Variants in ZC3H12B observed in about 807,000 individuals in gnomAD.
The protein encoded by ZC3H12B is probable ribonuclease ZC3H12B.
ZC3H12B carries 7 observed loss-of-function variants against 43.9 expected under a neutral mutation model. The ratio of observed to expected loss-of-function variants is 0.16; its 90% confidence interval spans 0.09 to 0.30. The LOEUF (loss-of-function observed/expected upper bound fraction) is 0.30. Among genes scored for constraint, ZC3H12B ranks in the 10% least tolerant of loss-of-function variants. The pLI, the probability that ZC3H12B is intolerant of heterozygous loss-of-function variation, is 1.00. For synonymous variants in ZC3H12B, 222 were observed against 241.7 expected (o/e 0.92, Z 0.76); for missense variants, 475 against 670.2 (o/e 0.71, Z 3.22).
the ZC3H12B span, among the ~76,000 whole-genome samples, chrX:65,161,768 G>A: frequency 2.7e-5 from 3 of 111,709 alleles, no homozygotes. Context: ...TTACATTTAA[G>A]GTTAATATTG....
In ZC3H12B at chrX:65,375,403, T is replaced by C. The variant is rs1399052286; in HGVS notation, n.295+6405T>C. Among the ~76,000 whole-genome samples the C allele has an allele frequency of 3.6e-5, 4 of 112,227 alleles. No individual in the cohort carries two copies. The East Asian group carries it at 1.1e-3, about 31-fold the overall frequency. On this transcript the variant is annotated intron_variant and non_coding_transcript_variant, in intron 2 of 5. Coordinates refer to the ZC3H12B transcript ENST00000617377. ...AACTCCTAGCTGAGTCCTAGTGCTA[T>C]GCTAAGCAAAGAGCCAGTACACATT...
the ZC3H12B span, among the ~76,000 whole-genome samples, chrX:65,118,485 A>G: frequency 9.0e-6 from 1 of 110,846 alleles, no homozygotes; most frequent in Non-Finnish European, 1.9e-5. Flanking sequence ...GGTTTTCTAA[A>G]TATTTAGAAA....
chrX:65,350,195 G>A, the ZC3H12B span, among the ~76,000 whole-genome samples: 7 of 111,732 alleles, frequency 6.3e-5, no homozygotes, highest in African/African-American at 1.3e-4. Flanking sequence ...ATGCAAGGCT[G>A]GTTCAACATA....
the ZC3H12B span, among the ~76,000 whole-genome samples, chrX:65,129,499 G>A: frequency 9.2e-6 from 1 of 109,285 alleles, no homozygotes; most frequent in East Asian, 2.9e-4. Context: ...GCAGGGGCGG[G>A]GGTCACAAGG....
At chrX:65,265,257 G>A in the ZC3H12B span, among the ~76,000 whole-genome samples, 6 of 111,988 alleles carry the variant, frequency 5.4e-5, no homozygotes, top group Admixed American at 3.8e-4. Flanking sequence ...TTTAAACATA[G>A]GAGCCTAATT....
At chrX:65,383,391 G>A (rs1442658596) in intron 2 of ZC3H12B, among the ~76,000 whole-genome samples, 2 of 111,884 alleles carry the variant, frequency 1.8e-5, no homozygotes, top group South Asian at 3.8e-4. Context: ...GGGAAAACTG[G>A]CTAGCCATAT....
chrX:65,100,654 A>G, the ZC3H12B span, among the ~76,000 whole-genome samples: 1 of 109,019 alleles, frequency 9.2e-6, no homozygotes, highest in African/African-American at 3.4e-5. Flanking sequence ...GAAAAAGACA[A>G]GGACATTACA....
chrX:65,486,242 C>T (rs773406828), upstream of ZC3H12B, among the ~76,000 whole-genome samples: 4 of 112,058 alleles, frequency 3.6e-5, no homozygotes, highest in Admixed American at 9.5e-5. Context: ...GTAAACACTC[C>T]CTTCATTCAC....
the ZC3H12B span, among the ~76,000 whole-genome samples, chrX:65,155,726 G>T: frequency 9.0e-6 from 1 of 110,831 alleles, no homozygotes; most frequent in Non-Finnish European, 1.9e-5. Context: ...CAGGCGTGGT[G>T]GCAGGTGCCT....
chrX:65,463,033 A>G (rs956407039), intron 3 of ZC3H12B, among the ~76,000 whole-genome samples: 1 of 112,301 alleles, frequency 8.9e-6, no homozygotes, highest in Non-Finnish European at 1.9e-5. Flanking sequence ...ACCAAAGAGT[A>G]TGTGTTCTCA....
At chrX:65,460,167 C>T (rs1192111383) in intron 3 of ZC3H12B, among the ~76,000 whole-genome samples, 1 of 111,640 alleles carries the variant, frequency 9.0e-6, no homozygotes, top group Non-Finnish European at 1.9e-5. Flanking sequence ...TGAAGGACCT[C>T]TTCAAGGAGA....
the ZC3H12B span, among the ~76,000 whole-genome samples, chrX:65,269,272 G>A: frequency 9.1e-6 from 1 of 109,489 alleles, no homozygotes; most frequent in East Asian, 2.9e-4. Context: ...TTGAAACCGG[G>A]AGGTGGAGGT....
At chrX:65,385,589 C>T (rs1385009739) in intron 2 of ZC3H12B, among the ~76,000 whole-genome samples, 1 of 111,875 alleles carries the variant, frequency 8.9e-6, no homozygotes, top group Non-Finnish European at 1.9e-5. Flanking sequence ...ATATCATCTG[C>T]AAACAGGGAC....
At chrX:65,133,293 G>T in the ZC3H12B span, among the ~76,000 whole-genome samples, 1 of 111,005 alleles carries the variant, frequency 9.0e-6, no homozygotes, top group Non-Finnish European at 1.9e-5. Context: ...ATTAAGTCCT[G>T]TTGTGGGGTT....
chrX:65,164,251 T>C, the ZC3H12B span, among the ~76,000 whole-genome samples: 1 of 110,395 alleles, frequency 9.1e-6, no homozygotes, highest in Admixed American at 9.7e-5. Context: ...TCACAGGGGG[T>C]CAAAGATGTC....
At chrX:65,122,159 AGGTCTGCTT>A in the ZC3H12B span, among the ~76,000 whole-genome samples, 1 of 111,404 alleles carries the variant, frequency 9.0e-6, no homozygotes, top group Non-Finnish European at 1.9e-5. Flanking sequence ...GATGTCTATT[AGGTCTGCTT>A]GGTGCAGAGC....
At chrX:65,128,122 C>T in the ZC3H12B span, among the ~76,000 whole-genome samples, 10 of 112,217 alleles carry the variant, frequency 8.9e-5, no homozygotes, top group Non-Finnish European at 1.9e-4. Context: ...GCTGCTTTGT[C>T]TATCCAAGTA....
At chrX:65,438,473 G>C (rs2067253887) in intron 3 of ZC3H12B, among the ~76,000 whole-genome samples, 1 of 111,846 alleles carries the variant, frequency 8.9e-6, no homozygotes, top group South Asian at 3.8e-4. Flanking sequence ...AGCTCAGTCG[G>C]GGAGACCCTA....
At chrX:65,089,521 TTACTG>T in the ZC3H12B span, among the ~76,000 whole-genome samples, 1 of 112,058 alleles carries the variant, frequency 8.9e-6, no homozygotes, top group Non-Finnish European at 1.9e-5. Context: ...GCCTGCTACA[TTACTG>T]TACACTACTG....
Sources: allele counts gnomAD v4.1 joint callset (sites outside exome capture counted in the v4.1 genomes callset), GRCh38; gene constraint gnomAD v4.1.1; transcripts MANE v1.5; gene names NCBI Gene and HGNC (gene_info 2026-07-23, HGNC 2026-07-21).